Variants in GOSR2 observed in about 807,000 individuals in gnomAD.
GOSR2 encodes 27 kDa Golgi SNARE protein.
In GOSR2, 20 loss-of-function variants were observed where a neutral mutation model predicts 27.9. The ratio of observed to expected loss-of-function variants is 0.72; its 90% confidence interval spans 0.50 to 1.04. The LOEUF is 1.04. Ranked by LOEUF, GOSR2 falls within the 50% of genes least tolerant of loss-of-function variation. The pLI is 0.00. For missense variants in GOSR2, 261 were observed against 270.5 expected (o/e 0.97, Z 0.25); for synonymous variants, 91 against 98.8 (o/e 0.92, Z 0.47).
chr17:46,925,607 A>G (rs547811403), intron 1 of GOSR2, among the ~76,000 whole-genome samples: 15 of 152,346 alleles, frequency 9.8e-5, no homozygotes, highest in Middle Eastern at 6.8e-3. Context: ...TGATGACTGA[A>G]TGACTTTCAC....
rs566202193 is a variant in GOSR2, at chr17:46,938,863, C to T, written c.*103C>T. On this transcript the variant is annotated 3_prime_UTR_variant, in exon 6 of 6. Transcript: ENST00000640051. ...AGAGGCCGCCTTTTGAAATGTTTGCCTGTCTGAACTGTGAAGACACTTGGG... is the reference window on the plus strand; with the variant it reads ...AGAGGCCGCCTTTTGAAATGTTTGCTTGTCTGAACTGTGAAGACACTTGGG... 2.5e-6 allele frequency: 4 copies of T among 1,582,778 alleles called. No homozygotes were observed. In the Admixed American group the frequency reaches 5.4e-5, roughly 21 times the overall value.
intron 6 of GOSR2, among the ~76,000 whole-genome samples, chr17:46,947,446 C>A (rs551879112): frequency 6.6e-6 from 1 of 152,200 alleles, no homozygotes; most frequent in African/African-American, 2.4e-5. Context: ...GAGCTCCCTA[C>A]AACTTACGTT....
chr17:46,934,231 A>G (rs773021791), intron 4 of GOSR2, among the ~76,000 whole-genome samples: 2 of 139,862 alleles, frequency 1.4e-5, no homozygotes, highest in African/African-American at 3.1e-5. Context: ...AAGTTATTCT[A>G]CCTCTCTGGG....
At chr17:46,974,397 A>G (rs1022053347) in intron 6 of GOSR2, among the ~76,000 whole-genome samples, 2 of 152,244 alleles carry the variant, frequency 1.3e-5, no homozygotes, top group African/African-American at 4.8e-5. Context: ...ACAGGAAATT[A>G]GAGGAGCATC....
downstream of GOSR2, among the ~76,000 whole-genome samples, chr17:46,944,659 G>A (rs1466152117): frequency 4.6e-5 from 7 of 151,326 alleles, no homozygotes; most frequent in Non-Finnish European, 1.0e-4. Context: ...GGGTGCAATG[G>A]TGCAATCTCG....
chr17:46,936,709 A>T, intron 5 of GOSR2: 4 of 984,954 alleles, frequency 4.1e-6, no homozygotes, highest in Non-Finnish European at 4.8e-6. Flanking sequence ...TCATACAGTG[A>T]TGAAATAATC....
intron 6 of GOSR2, among the ~76,000 whole-genome samples, chr17:46,974,403 G>A (rs1319656439): frequency 6.6e-6 from 1 of 152,214 alleles, no homozygotes; most frequent in Non-Finnish European, 1.5e-5. Flanking sequence ...AATTAGAGGA[G>A]CATCTGCTCC....
intron 2 of GOSR2, chr17:46,930,853 C>A (rs537899257): frequency 9.0e-6 from 4 of 444,086 alleles, no homozygotes; most frequent in Non-Finnish European, 1.6e-5. Flanking sequence ...TACAGATTTA[C>A]CTTCAGCTTT....
chr17:46,973,309 TTTTTTC>T (rs1181945514), intron 6 of GOSR2, among the ~76,000 whole-genome samples: 4 of 151,918 alleles, frequency 2.6e-5, no homozygotes, highest in African/African-American at 9.7e-5. Context: ...CTGCTGCTGC[TTTTTTC>T]TTTTTCTTTT....
At chr17:46,923,517 A>C in intron 1 of GOSR2, 1 of 1,366,362 alleles carries the variant, frequency 7.3e-7, no homozygotes. Flanking sequence ...AGGTTATAAA[A>C]CTTTGTCCAG....
At chr17:46,947,631 C>G (rs1254203411) in intron 6 of GOSR2, among the ~76,000 whole-genome samples, 1 of 152,206 alleles carries the variant, frequency 6.6e-6, no homozygotes, top group Non-Finnish European at 1.5e-5. Flanking sequence ...AGAATCCTGA[C>G]TTTGCTGTTT....
intron 6 of GOSR2, among the ~76,000 whole-genome samples, chr17:46,965,492 C>T: frequency 6.6e-6 from 1 of 152,202 alleles, no homozygotes; most frequent in East Asian, 1.9e-4. Flanking sequence ...TGTGTTGGAC[C>T]TTGCTTGTCT....
chr17:46,939,007 C>G lies in GOSR2; in HGVS notation c.*247C>G. On this transcript the variant is annotated 3_prime_UTR_variant, in exon 6 of 6. Coordinates refer to ENST00000640051, the MANE Select transcript of GOSR2 (RefSeq NM_004287.5). ...AAAGAAGTCCCGGGTCTGTCTCTCT[C>G]ACTCTCGCTCTCACTGGGGGAGGGA... 1 of 1,340,228 alleles carries G rather than the reference C, an allele frequency of 7.5e-7. No homozygotes were observed. The allele number at this position is 1,340,228 out of a possible 1,614,324, so 83.0% of individuals were successfully genotyped here.
chr17:46,942,362 T>C (rs1425290995), downstream of GOSR2, among the ~76,000 whole-genome samples: 2 of 152,214 alleles, frequency 1.3e-5, no homozygotes, highest in African/African-American at 2.4e-5. Context: ...ACCCTCTCAC[T>C]TATGTTCTCC....
intron 6 of GOSR2, among the ~76,000 whole-genome samples, chr17:46,951,416 G>A (rs2147229635): frequency 6.6e-6 from 1 of 152,244 alleles, no homozygotes; most frequent in Middle Eastern, 3.4e-3. Flanking sequence ...CTGAGCCTGG[G>A]CTCCTCGCCC....
chr17:46,927,905 G>C (rs2086728403), intron 1 of GOSR2, among the ~76,000 whole-genome samples: 1 of 151,892 alleles, frequency 6.6e-6, no homozygotes, highest in South Asian at 2.1e-4. Flanking sequence ...AGATTTTTCT[G>C]TTAAATCAGC....
intron 1 of GOSR2, among the ~76,000 whole-genome samples, chr17:46,925,156 T>C (rs939864874): frequency 2.6e-5 from 4 of 152,198 alleles, no homozygotes; most frequent in African/African-American, 4.8e-5. Flanking sequence ...ATAGTAAATA[T>C]TTTAGGCTCT....
Position 46,935,364 on chromosome 17 carries a change from A to T in GOSR2, c.477+195A>T, listed in dbSNP as rs2088140623. The T allele has an allele frequency of 3.4e-6, 5 of 1,450,022 alleles. No homozygotes were observed. The South Asian group carries it at 7.5e-5, about 22-fold the overall frequency. 89.8% of individuals were successfully genotyped at this position (1,450,022 alleles called of 1,614,324 possible). The stretch of plus-strand genomic sequence containing the variant: ...CCTGAAAGTACCCAGTTCCTTTGCC[A>T]GTGCTTGAAACAAACCATGAAGTGG... On this transcript the variant is annotated intron_variant, in intron 5 of 5. Transcript: ENST00000640051.
At chr17:46,948,077 T>C (rs991376053) in intron 6 of GOSR2, among the ~76,000 whole-genome samples, 9 of 152,152 alleles carry the variant, frequency 5.9e-5, no homozygotes, top group African/African-American at 2.2e-4. Context: ...AGCCTAGAAG[T>C]GATTTTTGTC....
Sources: gnomAD v4.1 joint callset for allele counts (sites outside exome capture counted in the v4.1 genomes callset) on GRCh38, gnomAD v4.1.1 for gene constraint, MANE v1.5 for transcripts, NCBI Gene and HGNC (gene_info 2026-07-23, HGNC 2026-07-21) for gene names.